The following TTLL1 variants were observed in gnomAD, a reference collection of about 807,000 sequenced individuals.
TTLL1 encodes the protein TTL family tubulin polyglutamylase complex subunit L1, also known as polyglutamylase complex subunit TTLL1.
In TTLL1, 33 loss-of-function variants were observed where a neutral mutation model predicts 47.8. The ratio of observed to expected loss-of-function variants is 0.69; its 90% CI spans 0.52 to 0.92. TTLL1 has a LOEUF of 0.92. Ranked by LOEUF, TTLL1 falls within the 40% of genes least tolerant of loss-of-function variation. TTLL1 has a pLI of 0.00. For synonymous variants in TTLL1, 225 were observed against 214.1 expected (o/e 1.05, Z -0.45); for missense variants, 488 against 547.5 (o/e 0.89, Z 1.08).
At chr22:43,049,226 C>G (rs1926401251) in intron 9 of TTLL1, among the ~76,000 whole-genome samples, 1 of 151,760 alleles carries the variant, frequency 6.6e-6, no homozygotes, top group African/African-American at 2.4e-5. Context: ...CCCAGGAGTT[C>G]AAAACCAGCT....
At chr22:43,081,233 G>C (rs571281586) in intron 1 of TTLL1, among the ~76,000 whole-genome samples, 1 of 151,906 alleles carries the variant, frequency 6.6e-6, no homozygotes, top group Non-Finnish European at 1.5e-5. Context: ...ATCTTTCCAG[G>C]CTGTGATGTG....
At chr22:43,088,140 T>G (rs1955975733) in intron 1 of TTLL1, among the ~76,000 whole-genome samples, 1 of 151,710 alleles carries the variant, frequency 6.6e-6, no homozygotes, top group Non-Finnish European at 1.5e-5. Context: ...CAAGACTCCG[T>G]CTAAAAATAA....
chr22:43,063,315 C>T (rs1016582513), intron 7 of TTLL1, among the ~76,000 whole-genome samples: 1 of 152,176 alleles, frequency 6.6e-6, no homozygotes, highest in South Asian at 2.1e-4. Flanking sequence ...CGGCATTCAG[C>T]TGATGTGTCC....
At chr22:43,068,047 C>T (rs533769102) in intron 5 of TTLL1, among the ~76,000 whole-genome samples, 3 of 148,320 alleles carry the variant, frequency 2.0e-5, no homozygotes, top group East Asian at 4.0e-4. Flanking sequence ...ATCTCCTGAC[C>T]TCATGATCCA....
In TTLL1 at chr22:43,080,379, T is replaced by C. The variant is rs529474266; in HGVS notation, c.-89-393A>G. ...CTCTTTAACCATTTTAAGAATACTATGACAAAACCGTAACTAGCCAGAATA... is the reference window on the plus strand; with the variant it reads ...CTCTTTAACCATTTTAAGAATACTACGACAAAACCGTAACTAGCCAGAATA... On this transcript the variant is annotated intron_variant, in intron 1 of 10. Coordinates refer to ENST00000266254, the MANE Select transcript of TTLL1 (RefSeq NM_012263.5). Among the ~76,000 whole-genome samples, 12 of 152,196 alleles carry C rather than the reference T, an allele frequency of 7.9e-5. No individual in the cohort carries two copies. In the East Asian group the frequency reaches 1.9e-3, roughly 24 times the overall value.
At position 43,088,919 on chromosome 22, in the gene TTLL1, T is replaced by C. The variant is rs556070276; in HGVS notation, c.-90+358A>G. Among the ~76,000 whole-genome samples the C allele has an allele frequency of 7.2e-5, 11 of 152,240 alleles. No homozygotes were observed. In the South Asian group the frequency reaches 1.7e-3, roughly 23 times the overall value. On this transcript the variant is annotated intron_variant, in intron 1 of 10. Transcript: ENST00000266254. Reference sequence around the variant, plus strand: ...GGCTCTTGTCTCCTGCCCTGAGTTCTCTCCACAGGTACATTGCGCCCTGCA... The same window carrying C: ...GGCTCTTGTCTCCTGCCCTGAGTTCCCTCCACAGGTACATTGCGCCCTGCA...
intron 5 of TTLL1, among the ~76,000 whole-genome samples, chr22:43,064,918 G>A (rs1027813386): frequency 2.6e-5 from 4 of 152,154 alleles, no homozygotes; most frequent in Non-Finnish European, 4.4e-5. Context: ...GGCCGAGGCG[G>A]GTGGATCACC....
chr22:43,054,410 C>T (rs1926853764), intron 8 of TTLL1, among the ~76,000 whole-genome samples: 1 of 152,018 alleles, frequency 6.6e-6, no homozygotes, highest in African/African-American at 2.4e-5. Context: ...AAGGCACCAA[C>T]CCGACATAAT....
chr22:43,087,111 G>A (rs1269192036), intron 1 of TTLL1, among the ~76,000 whole-genome samples: 2 of 152,132 alleles, frequency 1.3e-5, no homozygotes, highest in South Asian at 2.1e-4. Flanking sequence ...AAAGTCAACT[G>A]CTCAGAGTGG....
At chr22:43,075,686 C>T (rs1928442414) in intron 2 of TTLL1, 96 bp from the exon 3 acceptor site, 2 of 1,043,626 alleles carry the variant, frequency 1.9e-6, no homozygotes, top group Non-Finnish European at 3.0e-6. Flanking sequence ...ATCCCAAACT[C>T]GATCTTACCC....
chr22:43,049,792 A>AAAAAAAAAAAGAAAAG (rs1491393112), intron 9 of TTLL1, among the ~76,000 whole-genome samples: 935 of 30,268 alleles, frequency 0.031, 9 homozygotes, highest in African/African-American at 0.26. Context: ...AAAAGAAAAG[A>AAAAAAAAAAAGAAAAG]AAAAAAAAAA....
intron 2 of TTLL1, among the ~76,000 whole-genome samples, chr22:43,077,001 T>A (rs941247818): frequency 5.9e-5 from 9 of 151,680 alleles, no homozygotes; most frequent in Admixed American, 3.3e-4. Context: ...CTTGGGAGGC[T>A]GAGGCAGGAG....
intron 10 of TTLL1, 36 bp from the exon 11 acceptor site, chr22:43,039,941 T>G: frequency 6.2e-7 from 1 of 1,602,642 alleles, no homozygotes; most frequent in South Asian, 1.1e-5. Flanking sequence ...CGGCAGGCTC[T>G]CTTTCAAAGG....
intron 5 of TTLL1, among the ~76,000 whole-genome samples, chr22:43,066,527 C>T (rs1927747724): frequency 1.3e-5 from 2 of 151,538 alleles, no homozygotes; most frequent in African/African-American, 4.9e-5. Flanking sequence ...AATTTGAGAT[C>T]AACCTGGGCA....
At chr22:43,070,028 G>A (rs771831360) in intron 3 of TTLL1, 184 bp from the exon 4 acceptor site, 18 of 1,206,584 alleles carry the variant, frequency 1.5e-5, no homozygotes, top group Non-Finnish European at 1.7e-5. Context: ...GGGACAGGCC[G>A]GGACCCAAGT....
intron 7 of TTLL1, among the ~76,000 whole-genome samples, chr22:43,060,055 C>T (rs1927297091): frequency 6.6e-6 from 1 of 152,170 alleles, no homozygotes; most frequent in South Asian, 2.1e-4. Context: ...CAGAGTCTCA[C>T]TCTGTCACCC....
At chr22:43,055,663 A>G (rs1926950682) in intron 8 of TTLL1, among the ~76,000 whole-genome samples, 1 of 150,532 alleles carries the variant, frequency 6.6e-6, no homozygotes, top group Non-Finnish European at 1.5e-5. Flanking sequence ...TTGTAGAGAC[A>G]GCATCTTGCT....
At chr22:43,041,733 C>G (rs912382418) in intron 10 of TTLL1, among the ~76,000 whole-genome samples, 6 of 152,014 alleles carry the variant, frequency 3.9e-5, no homozygotes, top group African/African-American at 1.4e-4. Flanking sequence ...CCAGACTGGC[C>G]TCGAACCCCT....
intron 1 of TTLL1, among the ~76,000 whole-genome samples, chr22:43,083,202 TA>T (rs976652080): frequency 2.0e-5 from 3 of 148,804 alleles, no homozygotes; most frequent in South Asian, 4.3e-4. Context: ...TCTTCTCTAC[TA>T]AAAAAAATAC....
Sources: gnomAD v4.1 joint callset for allele counts (sites outside exome capture counted in the v4.1 genomes callset) on GRCh38, gnomAD v4.1.1 for gene constraint, MANE v1.5 for transcripts, NCBI Gene and HGNC (gene_info 2026-07-23, HGNC 2026-07-21) for gene names.